The following SVEP1 variants were observed in gnomAD, a reference collection of about 807,000 sequenced individuals.
SVEP1 encodes the protein sushi, von Willebrand factor type A, EGF and pentraxin domain-containing protein 1.
Under a neutral mutation model 367.3 loss-of-function variants are expected in SVEP1, and 164 were observed. The ratio of observed to expected loss-of-function variants is 0.45; its 90% CI spans 0.39 to 0.51. The LOEUF is 0.51. Ranked by LOEUF, SVEP1 falls within the 20% of genes least tolerant of loss-of-function variation. SVEP1 has a pLI of 0.00. For missense variants in SVEP1, 4,117 were observed against 4,425.3 expected (o/e 0.93, Z 1.98); for synonymous variants, 1,666 against 1,611.6 (o/e 1.03, Z -0.81).
intron 5 of SVEP1, among the ~76,000 whole-genome samples, chr9:110,506,785 TGAA>T (rs1829633295): frequency 1.3e-5 from 2 of 150,000 alleles, no homozygotes; most frequent in African/African-American, 4.9e-5. Flanking sequence ...GGAAAAGTCG[TGAA>T]GAAGGGAGGG....
At chr9:110,458,824 G>T in intron 19 of SVEP1, 128 bp downstream of exon 19, 1 of 1,175,020 alleles carries the variant, frequency 8.5e-7, no homozygotes, top group Non-Finnish European at 1.2e-6. Flanking sequence ...TACCTCAGAA[G>T]GACAATTTAA....
chr9:110,438,148 C>CTCATT (rs1828458368), intron 27 of SVEP1, among the ~76,000 whole-genome samples: 1 of 129,270 alleles, frequency 7.7e-6, no homozygotes, highest in Admixed American at 7.9e-5. Flanking sequence ...TGAACGCGTT[C>CTCATT]TCATTTCATG....
chr9:110,536,878 A>G (rs1040244020), intron 3 of SVEP1, among the ~76,000 whole-genome samples: 1 of 151,954 alleles, frequency 6.6e-6, no homozygotes, highest in Non-Finnish European at 1.5e-5. Context: ...GTTTTACAGC[A>G]TATCTCCAGA....
Position 110,525,764 on chromosome 9 carries a change from A to AT in SVEP1, c.965-11659dup, listed in dbSNP as rs111554528. ...AGAGCTACACTAATGTGCCTGGCTGATTTTTTTTTTTTACTTTTTTAAAAA... is the reference window on the plus strand; with the variant it reads ...AGAGCTACACTAATGTGCCTGGCTGATTTTTTTTTTTTTACTTTTTTAAAAA... On this transcript the variant is annotated intron_variant, in intron 3 of 47. Coordinates refer to ENST00000374469, the MANE Select transcript of SVEP1 (RefSeq NM_153366.4). Among the ~76,000 whole-genome samples the AT allele has an allele frequency of 6.6e-4, 98 of 147,690 alleles. 2 individuals are homozygous for AT. The highest frequency in any genetic ancestry group is 2.5e-3 in the Admixed American group (37 of 14,756).
At chr9:110,476,463 C>A in intron 13 of SVEP1, 148 bp from the exon 14 acceptor site, 1 of 628,958 alleles carries the variant, frequency 1.6e-6, no homozygotes, top group South Asian at 1.9e-5. Context: ...GGGATTCTGA[C>A]CCTCCTCCCC....
At chr9:110,500,400 C>CT (rs150597220) in intron 6 of SVEP1, among the ~76,000 whole-genome samples, 1,792 of 152,118 alleles carry the variant, frequency 0.012, 38 homozygotes, top group African/African-American at 0.041. Context: ...AAATTTTATT[C>CT]TTTTTTTATT....
intron 40 of SVEP1, among the ~76,000 whole-genome samples, chr9:110,390,738 C>T (rs950963989): frequency 3.3e-5 from 5 of 151,884 alleles, no homozygotes; most frequent in Non-Finnish European, 7.4e-5. Flanking sequence ...GTACTGCTGC[C>T]CCAGACTCAA....
chr9:110,398,975 C>T (rs1404026792), intron 40 of SVEP1, among the ~76,000 whole-genome samples: 1 of 152,138 alleles, frequency 6.6e-6, no homozygotes, highest in Non-Finnish European at 1.5e-5. Flanking sequence ...TACCACTTGA[C>T]CCAGCCATCC....
chr9:110,468,307 C>A (rs1377423819), intron 17 of SVEP1, among the ~76,000 whole-genome samples: 1 of 152,174 alleles, frequency 6.6e-6, no homozygotes, highest in Non-Finnish European at 1.5e-5. Context: ...AAATTGCTTT[C>A]TGTATACTAT....
chr9:110,534,675 C>A (rs763505775), intron 3 of SVEP1, among the ~76,000 whole-genome samples: 3 of 152,154 alleles, frequency 2.0e-5, no homozygotes, highest in Non-Finnish European at 2.9e-5. Flanking sequence ...TCTCAGCAAT[C>A]TCATCAGTAT....
At chr9:110,432,137 C>G in intron 31 of SVEP1, 103 bp from the exon 32 acceptor site, 1 of 1,217,652 alleles carries the variant, frequency 8.2e-7, no homozygotes, top group Non-Finnish European at 1.1e-6. Context: ...TAATGCACAA[C>G]ACTTCATATA....
In SVEP1 at chr9:110,546,129, T is replaced by C. The variant is rs1051666978; in HGVS notation, c.950A>G (p.Gln317Arg). The C allele has an allele frequency of 2.6e-6, 4 of 1,552,490 alleles. No individual in the cohort carries two copies. The highest frequency in any genetic ancestry group is 3.5e-6 in the Non-Finnish European group (4 of 1,147,180). The change falls in exon 3 of 48, where the codon CAG (glutamine) becomes CGG (arginine). Residue 317 changes from glutamine (Q) to arginine (R), a missense_variant. Physicochemically the swap from Gln to Arg is conservative, Grantham distance 43. Around this residue, in one of 4 missense-constraint regions of SVEP1, gnomAD observed 2,174 missense variants for 2,494.3 expected, o/e 0.87. Transcript: ENST00000374469. ...TGGAGACTCACCTGTGCATTCATAC[T>C]GCAGACCTTTCCCGTAATACCCCTT... ...CEKGYYGKGL[Q>R]YECTACPSGT...
intron 46 of SVEP1, among the ~76,000 whole-genome samples, chr9:110,371,544 G>A (rs1283186073): frequency 6.6e-6 from 1 of 151,934 alleles, no homozygotes; most frequent in African/African-American, 2.4e-5. Flanking sequence ...CACTTCCCTT[G>A]TATGTTTCTG....
intron 36 of SVEP1, 125 bp downstream of exon 36, chr9:110,427,466 T>C (rs755005963): frequency 8.6e-6 from 10 of 1,158,770 alleles, no homozygotes; most frequent in Admixed American, 7.2e-5. Context: ...AATAAAAGCA[T>C]AAGGCTCTCT....
In SVEP1 at chr9:110,408,475, A is replaced by G. The variant is rs1232446590; in HGVS notation, c.7125T>C (p.Val2375=). 1.9e-6 allele frequency: 3 copies of G among 1,613,876 alleles called. No individual in the cohort carries two copies. The African/African-American group carries it at 4.0e-5, about 22-fold the overall frequency. ...GTGGGGTACAAAGAACAATCTTACA[A>G]ACAGGGAAAGAGTCATTCCATTGCT... is the stretch of plus-strand genomic sequence containing the variant. The part of the protein sequence containing the change: ...PSQQWNDSFP[V]CKIVLCTPPP... Residue 2375 remains valine, a synonymous_variant, in exon 38 of 48, where the codon GTT becomes GTC. Transcript: ENST00000374469.
At chr9:110,519,497 C>A (rs1829851253) in intron 3 of SVEP1, among the ~76,000 whole-genome samples, 1 of 152,154 alleles carries the variant, frequency 6.6e-6, no homozygotes, top group Non-Finnish European at 1.5e-5. Flanking sequence ...AATTTTGTTG[C>A]CTTCTCGCGG....
intron 8 of SVEP1, among the ~76,000 whole-genome samples, chr9:110,496,322 C>A (rs1328994153): frequency 1.3e-5 from 2 of 152,102 alleles, no homozygotes; most frequent in Non-Finnish European, 2.9e-5. Context: ...GGGTGGGCAC[C>A]ATCTAATCAG....
At chr9:110,541,575 A>C (rs73534539) in intron 3 of SVEP1, among the ~76,000 whole-genome samples, 1 of 151,972 alleles carries the variant, frequency 6.6e-6, no homozygotes, top group Non-Finnish European at 1.5e-5. Context: ...ATGCTCATTC[A>C]TTAGCTTTCT....
rs111390143 is a variant in SVEP1 at position 110,458,537 on chromosome 9, T to C, written c.3510A>G (p.Ala1170=). ...CSSFSSTFSA[A]EESVVPPASL... Reference sequence around the variant, plus strand: ...AGGCAGGGGGCACCACACTTTCCTCTGCCGCTGAGAAAGTTGAACTAAAAC... The same window carrying C: ...AGGCAGGGGGCACCACACTTTCCTCCGCCGCTGAGAAAGTTGAACTAAAAC... Residue 1170 remains alanine, a synonymous_variant, in exon 20 of 48, where the codon GCA becomes GCG. Transcript: ENST00000374469. 555 of 1,612,516 alleles carry C rather than the reference T, an allele frequency of 3.4e-4. No homozygotes were observed. In the African/African-American group the frequency reaches 6.6e-3, roughly 19 times the overall value.
Sources: allele counts gnomAD v4.1 joint callset (sites outside exome capture counted in the v4.1 genomes callset), GRCh38; gene constraint gnomAD v4.1.1; regional missense constraint gnomAD v4.1.1; transcripts MANE v1.5; gene names NCBI Gene and HGNC (gene_info 2026-07-23, HGNC 2026-07-21).